The following HTR2C variants were observed in gnomAD, a reference collection of about 807,000 sequenced individuals.
HTR2C encodes 5-hydroxytryptamine (serotonin) receptor 2C, G protein-coupled.
In HTR2C, 5 loss-of-function variants were observed where a neutral mutation model predicts 21.0. That is an observed-to-expected ratio of 0.24 (90% CI 0.12 to 0.50). The LOEUF (loss-of-function observed/expected upper bound fraction) is 0.50, where lower values mean the gene tolerates loss of function less well. HTR2C is among the 20% of genes least tolerant of loss of function. The pLI is 0.98. For missense variants in HTR2C, 271 were observed against 371.2 expected (o/e 0.73, Z 2.22); for synonymous variants, 150 against 145.3 (o/e 1.03, Z -0.23).
At chrX:114,687,941 T>C (rs1221543792) in intron 2 of HTR2C, among the ~76,000 whole-genome samples, 3 of 111,856 alleles carry the variant, frequency 2.7e-5, no homozygotes, top group African/African-American at 9.7e-5. Context: ...CTTAAGTAGG[T>C]AATATTTGTT....
chrX:114,730,627 C>T (rs782533286), intron 3 of HTR2C, among the ~76,000 whole-genome samples: 51 of 111,418 alleles, frequency 4.6e-4, no homozygotes, highest in Admixed American at 2.1e-3. Context: ...TGTACCTCTT[C>T]CAGACGCTTT....
intron 4 of HTR2C, among the ~76,000 whole-genome samples, chrX:114,735,878 C>T (rs1426013757): frequency 9.0e-6 from 1 of 110,696 alleles, no homozygotes; most frequent in Non-Finnish European, 1.9e-5. Flanking sequence ...TTTGGGAGGC[C>T]GAGGTGGGCA....
chrX:114,835,264 T>C (rs2070770668), intron 4 of HTR2C, among the ~76,000 whole-genome samples: 1 of 98,813 alleles, frequency 1.0e-5, no homozygotes, highest in Non-Finnish European at 2.0e-5. Flanking sequence ...CCTTGCTAGA[T>C]TGGGGAAGTT....
At position 114,848,003 on chromosome X, in the gene HTR2C, A is replaced by G. The variant is rs782556773; in HGVS notation, c.350A>G (p.Asp117Gly). The stretch of plus-strand genomic sequence containing the variant: ...TTGTCTTCTCTCTGTTCTCTTTCAG[A>G]TTATGTCTGGCCACTACCTAGATAT... The part of the protein sequence containing the change: ...MPLSLLAILY[D>G]YVWPLPRYLC... The change falls in exon 5 of 6, where the codon GAT becomes GGT. Residue 117 changes from aspartate to glycine, a missense_variant and splice_region_variant. Physicochemically the swap from Asp to Gly is moderately conservative, Grantham distance 94. This residue lies in a region of HTR2C where 16 missense variants were observed against 19.2 expected (regional missense o/e 0.83). Transcript: ENST00000276198. 11 of 1,196,334 alleles carry G rather than the reference A, an allele frequency of 9.2e-6. No individual in the cohort carries two copies. The South Asian group carries it at 2.0e-4, about 21-fold the overall frequency.
At chrX:114,799,921 T>A (rs2070330088) in intron 4 of HTR2C, among the ~76,000 whole-genome samples, 1 of 111,506 alleles carries the variant, frequency 9.0e-6, no homozygotes, top group Admixed American at 9.6e-5. Flanking sequence ...AATATATCAG[T>A]TCAGAAGTCT....
At chrX:114,669,430 C>G (rs1353162746) in intron 2 of HTR2C, among the ~76,000 whole-genome samples, 3 of 111,742 alleles carry the variant, frequency 2.7e-5, no homozygotes, top group Non-Finnish European at 5.6e-5. Context: ...CTTACTGAGC[C>G]CCCTTCGTCT....
chrX:114,707,372 G>C (rs1365621330), intron 2 of HTR2C, among the ~76,000 whole-genome samples: 1 of 110,883 alleles, frequency 9.0e-6, no homozygotes, highest in Non-Finnish European at 1.9e-5. Flanking sequence ...AGAGAGCTTT[G>C]ATGGTGCCAT....
chrX:114,871,862 T>C (rs2071094792), intron 5 of HTR2C, among the ~76,000 whole-genome samples: 1 of 110,086 alleles, frequency 9.1e-6, no homozygotes, highest in African/African-American at 3.3e-5. Context: ...TATTTTCATA[T>C]TTTGTTTGTA....
At chrX:114,857,395 C>T (rs984689813) in intron 5 of HTR2C, among the ~76,000 whole-genome samples, 15 of 111,157 alleles carry the variant, frequency 1.3e-4, no homozygotes, top group Non-Finnish European at 2.8e-4. Context: ...CAGATTTGGC[C>T]GATGAACCAT....
At chrX:114,776,731 G>A in intron 4 of HTR2C, 1 of 426,899 alleles carries the variant, frequency 2.3e-6, no homozygotes, top group Non-Finnish European at 4.4e-6. Flanking sequence ...CCACACAAGA[G>A]TATGCAGTGT....
chrX:114,892,998 C>T (rs1002589666), intron 5 of HTR2C, among the ~76,000 whole-genome samples: 16 of 108,576 alleles, frequency 1.5e-4, no homozygotes, highest in East Asian at 2.9e-4. Context: ...CTGCAACTTC[C>T]GACTCCCGGG....
At chrX:114,709,246 T>A (rs1311032557) in intron 2 of HTR2C, among the ~76,000 whole-genome samples, 2 of 112,120 alleles carry the variant, frequency 1.8e-5, no homozygotes, top group African/African-American at 6.5e-5. Context: ...ACTTCAAATT[T>A]ATTTTGTCAG....
intron 4 of HTR2C, among the ~76,000 whole-genome samples, chrX:114,814,919 A>G (rs2070569794): frequency 9.7e-6 from 1 of 102,687 alleles, no homozygotes; most frequent in African/African-American, 3.5e-5. Context: ...TATATCATAT[A>G]GTATATATCA....
At chrX:114,653,606 A>G (rs781899812) in intron 2 of HTR2C, among the ~76,000 whole-genome samples, 1 of 110,534 alleles carries the variant, frequency 9.0e-6, no homozygotes, top group African/African-American at 3.3e-5. Flanking sequence ...ATCAGACAGA[A>G]CCTTATTATG....
chrX:114,796,729 C>G (rs1459137362), intron 4 of HTR2C, among the ~76,000 whole-genome samples: 2 of 111,380 alleles, frequency 1.8e-5, no homozygotes, highest in African/African-American at 6.5e-5. Flanking sequence ...CAACAGATCT[C>G]TCTTCTCTTT....
intron 4 of HTR2C, among the ~76,000 whole-genome samples, chrX:114,760,658 A>G (rs1333814349): frequency 3.6e-5 from 4 of 111,342 alleles, no homozygotes; most frequent in Non-Finnish European, 5.6e-5. Flanking sequence ...TTGGGACAAC[A>G]GGCATGTGAC....
chrX:114,781,675 A>G lies in HTR2C; in HGVS notation c.349+50068A>G, dbSNP rs73571403. On this transcript the variant is annotated intron_variant, in intron 4 of 5. Coordinates refer to ENST00000276198, the MANE Select transcript of HTR2C (RefSeq NM_000868.4). ...ACCACCACACCCAGTTAATTTTTAA[A>G]TTTTTTGTAGAGATAGTATCTCGCT... 8.4e-3 allele frequency among the ~76,000 whole-genome samples: 914 copies of G among 109,239 alleles called. 11 individuals are homozygous for G. Among genetic ancestry groups the G allele is most frequent in the African/African-American group, 0.029 (863 of 29,951 alleles). The allele number at this position is 109,239 out of a possible 115,157, so 94.9% of individuals were successfully genotyped here. A position where few individuals can be genotyped will look rare whatever the true frequency, so the allele number is the denominator to read the frequency against.
chrX:114,618,375 A>C (rs1929029264), intron 2 of HTR2C, among the ~76,000 whole-genome samples: 1 of 112,341 alleles, frequency 8.9e-6, no homozygotes, highest in Admixed American at 9.5e-5. Context: ...TAATAACAGT[A>C]AAATAATTTT....
intron 4 of HTR2C, among the ~76,000 whole-genome samples, chrX:114,754,370 G>C (rs1004455183): frequency 1.2e-4 from 13 of 112,044 alleles, no homozygotes; most frequent in Non-Finnish European, 1.9e-4. Context: ...AATGCATTAA[G>C]AGGAATCACT....
Sources: allele counts gnomAD v4.1 joint callset (sites outside exome capture counted in the v4.1 genomes callset), GRCh38; gene constraint gnomAD v4.1.1; regional missense constraint gnomAD v4.1.1; transcripts MANE v1.5; gene names NCBI Gene and HGNC (gene_info 2026-07-23, HGNC 2026-07-21).